Variants in EOGT observed in about 807,000 individuals in gnomAD.
The protein encoded by EOGT is EGF domain specific O-linked N-acetylglucosamine transferase.
Under a neutral mutation model 70.5 loss-of-function variants are expected in EOGT, and 55 were observed. That is an observed-to-expected ratio of 0.78 (90% confidence interval 0.63 to 0.98). EOGT has a LOEUF of 0.98. Among genes scored for constraint, EOGT ranks in the 50% least tolerant of loss-of-function variants. The pLI is 0.00. For missense variants in EOGT, 703 were observed against 641.9 expected, an observed-to-expected ratio of 1.10 and a Z score of -1.03; for synonymous variants, 246 against 217.1, an observed-to-expected ratio of 1.13 and a Z score of -1.17.
chr3:68,988,429 T>A, intron 12 of EOGT, 48 bp from the exon 13 acceptor site: 2 of 1,489,260 alleles, frequency 1.3e-6, no homozygotes, highest in Non-Finnish European at 1.8e-6. Flanking sequence ...TTCTGTATTA[T>A]AATTTAAGAT....
Position 68,977,557 on chromosome 3 carries a change from A to G in EOGT, c.*61T>C. Reference sequence around the variant, plus strand: ...AATAACAGATTGCTTTACTGATTTAATTCTAAGTCTGGGTGTTGGAGTGTT... The same window carrying G: ...AATAACAGATTGCTTTACTGATTTAGTTCTAAGTCTGGGTGTTGGAGTGTT... On this transcript the variant is annotated 3_prime_UTR_variant, in exon 18 of 18. Transcript: ENST00000383701. 6.4e-7 allele frequency: 1 copy of G among 1,557,180 alleles called. No homozygotes were observed. Among genetic ancestry groups the G allele is most frequent in the Non-Finnish European group, 8.8e-7 (1 of 1,139,210 alleles).
intron 10 of EOGT, among the ~76,000 whole-genome samples, chr3:68,997,395 G>A (rs2091180527): frequency 6.7e-6 from 1 of 148,678 alleles, no homozygotes; most frequent in African/African-American, 2.5e-5. Context: ...TTGAGACAGA[G>A]TCTTGCTCTG....
chr3:68,983,037 G>A (rs1011246260), intron 14 of EOGT, among the ~76,000 whole-genome samples, 165 bp from the exon 15 acceptor site: 6 of 151,948 alleles, frequency 3.9e-5, no homozygotes, highest in Non-Finnish European at 8.8e-5. Flanking sequence ...TATCATTCAG[G>A]TCAATAGTTC....
chr3:68,983,779 C>A (rs956679482), intron 14 of EOGT, among the ~76,000 whole-genome samples: 1 of 152,170 alleles, frequency 6.6e-6, no homozygotes, highest in Non-Finnish European at 1.5e-5. Flanking sequence ...ACCTGACCAA[C>A]ATGGTGAAAC....
intron 9 of EOGT, 51 bp from the exon 10 acceptor site, chr3:68,998,165 C>A: frequency 3.0e-6 from 3 of 1,013,870 alleles, no homozygotes; most frequent in Admixed American, 2.0e-5. Flanking sequence ...AGCACATGAT[C>A]AAGCAAGTTT....
chr3:68,987,373 G>GA lies in EOGT; in HGVS notation c.1152+71dup, dbSNP rs11331317. On this transcript the variant is annotated intron_variant, in intron 14 of 17. Transcript: ENST00000383701. Reference sequence around the variant, plus strand: ...TAAACCAAAGCTTTTAACGTAATGTGAAAAAAAAAAAAACACAATTTGCTC... The same window carrying GA: ...TAAACCAAAGCTTTTAACGTAATGTGAAAAAAAAAAAAAACACAATTTGCTC... The GA allele has an allele frequency of 0.11, 101,126 of 937,934 alleles. 148 individuals carry two copies. The highest frequency in any genetic ancestry group is 0.12 in the Non-Finnish European group (77,605 of 633,028). The allele number at this position is 937,934 out of a possible 1,614,324, so 58.1% of individuals were successfully genotyped here.
chr3:69,004,580 AT>A, intron 7 of EOGT, 98 bp from the exon 8 acceptor site: 1 of 751,410 alleles, frequency 1.3e-6, no homozygotes, highest in Non-Finnish European at 2.2e-6. Flanking sequence ...TCCAAACTGA[AT>A]TTTTTAAAAG....
intron 9 of EOGT, among the ~76,000 whole-genome samples, chr3:68,998,665 C>A (rs931484114): frequency 1.3e-5 from 2 of 151,718 alleles, no homozygotes; most frequent in African/African-American, 2.4e-5. Flanking sequence ...AACAGCCTGG[C>A]CAACATAGTG....
intron 15 of EOGT, among the ~76,000 whole-genome samples, chr3:68,980,023 T>C (rs1460273937): frequency 6.6e-6 from 1 of 152,192 alleles, no homozygotes. Flanking sequence ...TTTAAGTACT[T>C]TTTTTAAAGG....
Position 68,997,888 on chromosome 3 carries a change from C to T in EOGT, c.831+123G>A, listed in dbSNP as rs943657635. The stretch of plus-strand genomic sequence containing the variant: ...GTACAGATACATTCGCACCCATCCG[C>T]ATTATGTGCGGCTGTACATGTTGAA... On this transcript the variant is annotated intron_variant, in intron 10 of 17. Coordinates refer to ENST00000383701, the MANE Select transcript of EOGT (RefSeq NM_001278689.2). The T allele has an allele frequency of 7.9e-6, 5 of 631,960 alleles. No homozygotes were observed. In the African/African-American group the frequency reaches 9.3e-5, roughly 12 times the overall value. 39.1% of individuals were successfully genotyped at this position (631,960 alleles called of 1,614,324 possible). A position where few individuals can be genotyped will look rare whatever the true frequency, so the allele number is the denominator to read the frequency against.
chr3:68,997,489 C>T (rs1356872353), intron 10 of EOGT, among the ~76,000 whole-genome samples: 1 of 152,112 alleles, frequency 6.6e-6, no homozygotes, highest in Non-Finnish European at 1.5e-5. Context: ...CGACCACAGC[C>T]TCCTGAGTAG....
At chr3:68,983,551 T>C (rs1252016166) in intron 14 of EOGT, among the ~76,000 whole-genome samples, 5 of 152,254 alleles carry the variant, frequency 3.3e-5, no homozygotes, top group Non-Finnish European at 2.9e-5. Context: ...TGTTGCCTTG[T>C]GGCATGCACT....
intron 10 of EOGT, among the ~76,000 whole-genome samples, chr3:68,990,593 C>T (rs2107242722): frequency 6.6e-6 from 1 of 152,228 alleles, no homozygotes; most frequent in South Asian, 2.1e-4. Flanking sequence ...AGCTCAAGTG[C>T]TCCGCCTACC....
At chr3:69,007,931 T>G in intron 5 of EOGT, 110 bp from the exon 6 acceptor site, 1 of 691,136 alleles carries the variant, frequency 1.4e-6, no homozygotes, top group South Asian at 2.1e-5. Context: ...TTAATTTTGT[T>G]ACAGTATATT....
chr3:68,977,693 A>G lies in EOGT; in HGVS notation c.1509T>C (p.Tyr503=), dbSNP rs2090510575. The G allele has an allele frequency of 1.2e-6, 2 of 1,613,912 alleles. No homozygotes were observed. The highest frequency in any genetic ancestry group is 1.7e-6 in the Non-Finnish European group (2 of 1,179,968). ...CGTGGTCTGCAGCCTGAAGGACAAG[A>G]TACATAAATTCTTCTACATCGAAAG... is the stretch of plus-strand genomic sequence containing the variant. ...NYSFDVEEFM[Y]LVLQAADHVL... is the part of the protein sequence containing the mutation. Residue 503 remains tyrosine, a synonymous_variant, in exon 18 of 18, where the codon TAT becomes TAC. Transcript: ENST00000383701.
chr3:69,001,753 TC>T (rs2091299226), intron 8 of EOGT, 39 bp from the exon 9 acceptor site: 2 of 1,359,376 alleles, frequency 1.5e-6, no homozygotes, highest in African/African-American at 1.4e-5. Context: ...AAACTGATTC[TC>T]CCAAACTTCC....
At chr3:68,997,338 A>T (rs1328981799) in intron 10 of EOGT, among the ~76,000 whole-genome samples, 1 of 152,136 alleles carries the variant, frequency 6.6e-6, no homozygotes, top group Admixed American at 6.5e-5. Flanking sequence ...AAGCACTTCC[A>T]ACATAGGTTA....
chr3:69,000,014 G>A (rs548510758), intron 9 of EOGT, among the ~76,000 whole-genome samples: 20 of 152,262 alleles, frequency 1.3e-4, no homozygotes, highest in African/African-American at 4.6e-4. Context: ...TTGAGCCCAG[G>A]AGTTCAAGAC....
chr3:68,999,949 C>T (rs2091253142), intron 9 of EOGT, among the ~76,000 whole-genome samples: 1 of 152,214 alleles, frequency 6.6e-6, no homozygotes. Context: ...GAACCAGGCA[C>T]AGTTACTCAC....
Sources: gnomAD v4.1 joint callset for allele counts (sites outside exome capture counted in the v4.1 genomes callset) on GRCh38, gnomAD v4.1.1 for gene constraint, MANE v1.5 for transcripts, NCBI Gene and HGNC (gene_info 2026-07-23, HGNC 2026-07-21) for gene names.